The following USP34 variants were observed in gnomAD, a reference collection of about 807,000 sequenced individuals.
The protein encoded by USP34 is ubiquitin specific peptidase 34, also known as ubiquitin carboxyl-terminal hydrolase 34.
Under a neutral mutation model 460.3 loss-of-function variants are expected in USP34, and 70 were observed. The observed-to-expected ratio is 0.15, with a 90% confidence interval of 0.13 to 0.19. The LOEUF is 0.19. Ranked by LOEUF, USP34 falls within the 10% of genes least tolerant of loss-of-function variation. The pLI, the probability that USP34 is intolerant of heterozygous loss-of-function variation, is 1.00. For synonymous variants in USP34, 1,647 were observed against 1,405.3 expected, an observed-to-expected ratio of 1.17 and a Z score of -3.85; for missense variants, 3,985 against 4,236.2, an observed-to-expected ratio of 0.94 and a Z score of 1.65.
chr2:61,456,339 C>T (rs1695438162), intron 1 of USP34, among the ~76,000 whole-genome samples: 2 of 152,140 alleles, frequency 1.3e-5, no homozygotes, highest in African/African-American at 4.8e-5. Context: ...CAAAGTCCAT[C>T]CTCTTTGAAC....
chr2:61,403,291 C>G (rs1246822357), intron 3 of USP34, among the ~76,000 whole-genome samples: 1 of 152,022 alleles, frequency 6.6e-6, no homozygotes, highest in Non-Finnish European at 1.5e-5. Flanking sequence ...AAAGAAAAAA[C>G]ACTGATGAGC....
At chr2:61,265,700 A>T in intron 42 of USP34, 143 bp from the exon 43 acceptor site, 5 of 779,384 alleles carry the variant, frequency 6.4e-6, no homozygotes, top group Non-Finnish European at 8.9e-6. Flanking sequence ...TAAATAAAAA[A>T]AAATACAGAT....
At chr2:61,408,449 T>C (rs899661360) in intron 2 of USP34, among the ~76,000 whole-genome samples, 3 of 152,092 alleles carry the variant, frequency 2.0e-5, no homozygotes, top group African/African-American at 7.2e-5. Context: ...TGTGGCAAAA[T>C]GAAAGGGTTT....
At chr2:61,343,508 G>A (rs1226721575) in intron 16 of USP34, among the ~76,000 whole-genome samples, 1 of 152,046 alleles carries the variant, frequency 6.6e-6, no homozygotes, top group Non-Finnish European at 1.5e-5. Flanking sequence ...TAGGATTTCT[G>A]AGTATAAATT....
intron 1 of USP34, among the ~76,000 whole-genome samples, chr2:61,469,318 G>A (rs1695876882): frequency 6.6e-6 from 1 of 152,128 alleles, no homozygotes; most frequent in Admixed American, 6.6e-5. Context: ...ATAATCACAC[G>A]ACTTGTATGT....
At chr2:61,438,144 T>C (rs1285833127) in intron 1 of USP34, among the ~76,000 whole-genome samples, 1 of 152,030 alleles carries the variant, frequency 6.6e-6, no homozygotes, top group Non-Finnish European at 1.5e-5. Context: ...CACATCAAAA[T>C]GTAATAACCA....
chr2:61,391,787 C>G (rs1448977351), intron 5 of USP34, among the ~76,000 whole-genome samples: 1 of 152,102 alleles, frequency 6.6e-6, no homozygotes, highest in Admixed American at 6.6e-5. Flanking sequence ...GAACTCTAAG[C>G]TCTTAATGTA....
In USP34 at chr2:61,325,374, C is replaced by T; in HGVS notation, c.3013+1G>A. 1 of 1,535,148 alleles carries T rather than the reference C, an allele frequency of 6.5e-7. No individual in the cohort carries two copies. The highest frequency in any genetic ancestry group is 1.3e-5 in the South Asian group (1 of 78,544). ...TAAAAAGTACTGATTAAAAAACTTACTGAAATGATCAGGTGATCCCAGAGT... is the reference window on the plus strand; with the variant it reads ...TAAAAAGTACTGATTAAAAAACTTATTGAAATGATCAGGTGATCCCAGAGT... On this transcript the variant is annotated splice_donor_variant, in intron 21 of 79. Coordinates refer to ENST00000398571, the MANE Select transcript of USP34 (RefSeq NM_014709.4). LOFTEE classifies it high-confidence loss of function.
chr2:61,222,886 G>A (rs1301517712), intron 64 of USP34, 174 bp downstream of exon 64: 7 of 686,596 alleles, frequency 1.0e-5, no homozygotes, highest in African/African-American at 3.6e-5. Flanking sequence ...GTGTAGAGAC[G>A]GGTTCTCACT....
At chr2:61,326,056 T>C (rs1390320746) in intron 20 of USP34, among the ~76,000 whole-genome samples, 4 of 152,118 alleles carry the variant, frequency 2.6e-5, no homozygotes, top group African/African-American at 9.7e-5. Flanking sequence ...GAGATGAGTC[T>C]GAATAGATCA....
intron 62 of USP34, among the ~76,000 whole-genome samples, chr2:61,225,565 C>G (rs947406378): frequency 6.6e-6 from 1 of 151,910 alleles, no homozygotes; most frequent in Non-Finnish European, 1.5e-5. Context: ...TTTTATTCCT[C>G]TATCCACTGG....
chr2:61,189,375 C>T (rs1262084051), intron 78 of USP34: 5 of 193,690 alleles, frequency 2.6e-5, no homozygotes, highest in Admixed American at 6.0e-5. Flanking sequence ...CGGGTTCAAG[C>T]GATTCCCCTC....
At chr2:61,318,043 A>G (rs1488985223) in intron 22 of USP34, among the ~76,000 whole-genome samples, 1 of 152,010 alleles carries the variant, frequency 6.6e-6, no homozygotes, top group Non-Finnish European at 1.5e-5. Context: ...AACTACAAAA[A>G]TCAGCCGGGC....
chr2:61,365,266 C>T (rs910435451), intron 10 of USP34, among the ~76,000 whole-genome samples: 1 of 146,064 alleles, frequency 6.8e-6, no homozygotes, highest in Non-Finnish European at 1.5e-5. Flanking sequence ...TACACACACA[C>T]ACACACACAC....
intron 68 of USP34, among the ~76,000 whole-genome samples, chr2:61,213,143 G>A (rs1418993475): frequency 2.6e-5 from 4 of 152,094 alleles, no homozygotes; most frequent in South Asian, 4.1e-4. Flanking sequence ...AGCCTCCCAA[G>A]CAGCTGCGAC....
chr2:61,220,501 G>A, intron 66 of USP34, 44 bp from the exon 67 acceptor site: 4 of 1,521,538 alleles, frequency 2.6e-6, no homozygotes, highest in South Asian at 2.6e-5. Flanking sequence ...CCAACTGAAT[G>A]AGCAATTACT....
chr2:61,194,539 C>G (rs527713429), intron 75 of USP34, among the ~76,000 whole-genome samples: 85 of 152,318 alleles, frequency 5.6e-4, no homozygotes, highest in African/African-American at 1.9e-3. Context: ...ACTCTGTTGC[C>G]CAGGTTGGAG....
At chr2:61,417,475 C>G in intron 2 of USP34, 1 of 276,778 alleles carries the variant, frequency 3.6e-6, no homozygotes, top group Non-Finnish European at 7.1e-6. Context: ...CACACAGAGA[C>G]TGACCATAGT....
chr2:61,408,490 T>A (rs754830135), intron 2 of USP34, among the ~76,000 whole-genome samples: 11 of 152,118 alleles, frequency 7.2e-5, no homozygotes, highest in Non-Finnish European at 1.3e-4. Context: ...TCCTCCAGCT[T>A]TACAATTCTA....
Sources: gnomAD v4.1 joint callset for allele counts (sites outside exome capture counted in the v4.1 genomes callset) on GRCh38, gnomAD v4.1.1 for gene constraint, MANE v1.5 for transcripts, NCBI Gene and HGNC (gene_info 2026-07-23, HGNC 2026-07-21) for gene names.